Variants in APBA2 observed in about 807,000 individuals in gnomAD.
APBA2 encodes the protein amyloid-beta A4 precursor protein-binding family A member 2.
APBA2 carries 30 observed loss-of-function variants against 75.0 expected under a neutral mutation model. The observed-to-expected ratio is 0.40, with a 90% CI of 0.30 to 0.54. The LOEUF is 0.54. APBA2 is among the 20% of genes least tolerant of loss of function. The pLI is 0.49. For synonymous variants in APBA2, 444 were observed against 409.6 expected, an observed-to-expected ratio of 1.08 and a Z score of -1.01; for missense variants, 801 against 1,016.1, an observed-to-expected ratio of 0.79 and a Z score of 2.88.
chr15:29,118,035 A>G lies in APBA2; in HGVS notation c.*902A>G, dbSNP rs3751557. ...AGCCGTGAGTGCAGACCCCTTGGCC[A>G]GCGTGGCGCAGTGGCCCTGAGCAGT... is the stretch of plus-strand genomic sequence containing the variant. On this transcript the variant is annotated 3_prime_UTR_variant, in exon 15 of 15. Coordinates refer to ENST00000683413, the MANE Select transcript of APBA2 (RefSeq NM_001353788.2). 15,687 of 152,594 alleles carry G rather than the reference A, an allele frequency of 0.1. 1,152 individuals carry two copies. Among genetic ancestry groups the G allele is most frequent in the East Asian group, 0.21 (1,104 of 5,172 alleles). 9.5% of individuals were successfully genotyped at this position (152,594 alleles called of 1,614,324 possible). A position where few individuals can be genotyped will look rare whatever the true frequency, so the allele number is the denominator to read the frequency against.
chr15:28,960,760 C>CTTTT (rs760299039), intron 2 of APBA2, among the ~76,000 whole-genome samples: 23 of 137,128 alleles, frequency 1.7e-4, no homozygotes, highest in African/African-American at 5.3e-4. Context: ...ACCCATCATT[C>CTTTT]TTTTTTTTTT....
intron 1 of APBA2, chr15:28,895,502 A>G (rs36196202): frequency 0.56 from 85,197 of 152,080 alleles, 25,054 homozygotes; most frequent in African/African-American, 0.74. Flanking sequence ...TGCAGCTTGG[A>G]CCCTCTTCCC....
intron 2 of APBA2, among the ~76,000 whole-genome samples, chr15:28,959,509 G>A (rs1043341585): frequency 5.3e-5 from 8 of 152,204 alleles, no homozygotes; most frequent in Non-Finnish European, 8.8e-5. Context: ...CATACATGGC[G>A]GAAGACAGCC....
At chr15:28,904,243 T>C (rs778162758) in intron 1 of APBA2, among the ~76,000 whole-genome samples, 10 of 152,300 alleles carry the variant, frequency 6.6e-5, no homozygotes, top group Admixed American at 5.2e-4. Context: ...TCCCTGTTCC[T>C]GGGCACCCCG....
At chr15:29,078,068 G>A (rs568016853) in intron 6 of APBA2, among the ~76,000 whole-genome samples, 18 of 152,224 alleles carry the variant, frequency 1.2e-4, no homozygotes, top group Non-Finnish European at 2.2e-4. Context: ...AGGCCGAGGC[G>A]GGTGGATCAT....
intron 6 of APBA2, among the ~76,000 whole-genome samples, chr15:29,077,562 C>T (rs747458958): frequency 6.6e-5 from 10 of 152,158 alleles, no homozygotes; most frequent in South Asian, 4.1e-4. Context: ...TGGGGTACCT[C>T]GGACTCTAGC....
Position 28,907,906 on chromosome 15 carries a change from G to T in APBA2, c.-204-13734G>T, listed in dbSNP as rs538947311. On this transcript the variant is annotated intron_variant, in intron 1 of 14. Transcript: ENST00000683413. The stretch of plus-strand genomic sequence containing the variant: ...AAGGGGCCTGCCCAAGTTTCAGAAA[G>T]AAACTCAGGTTCTTGACATATACAG... Among the ~76,000 whole-genome samples, 54 of 152,324 alleles carry T rather than the reference G, an allele frequency of 3.5e-4. 1 individual carries two copies. Among genetic ancestry groups the T allele is most frequent in the African/African-American group, 1.2e-3 (48 of 41,570 alleles).
At chr15:28,985,755 C>T (rs66544511) in intron 2 of APBA2, among the ~76,000 whole-genome samples, 5 of 152,096 alleles carry the variant, frequency 3.3e-5, no homozygotes, top group Non-Finnish European at 7.4e-5. Flanking sequence ...TAACTGGATC[C>T]GGTTGACTCT....
At chr15:29,017,833 A>G (rs2039753437) in intron 3 of APBA2, among the ~76,000 whole-genome samples, 1 of 152,018 alleles carries the variant, frequency 6.6e-6, no homozygotes, top group African/African-American at 2.4e-5. Flanking sequence ...TTCTGCGGCA[A>G]TATCTTCTTC....
At chr15:28,925,193 A>G (rs9788659) in intron 2 of APBA2, among the ~76,000 whole-genome samples, 5,655 of 152,250 alleles carry the variant, frequency 0.037, 264 homozygotes, top group East Asian at 0.21. Context: ...TGATTTTTCT[A>G]ATGTTGAACC....
chr15:29,071,432 T>C (rs147754545), intron 4 of APBA2, among the ~76,000 whole-genome samples: 69 of 151,844 alleles, frequency 4.5e-4, no homozygotes, highest in African/African-American at 1.6e-3. Flanking sequence ...GAGTGATGGC[T>C]GATGTGGGTT....
intron 3 of APBA2, among the ~76,000 whole-genome samples, chr15:29,043,735 A>G (rs1402119709): frequency 1.8e-4 from 28 of 152,188 alleles, no homozygotes; most frequent in Admixed American, 1.8e-3. Flanking sequence ...GTGTGTGCTC[A>G]ATATTTTTGT....
chr15:28,971,707 GA>G (rs2037077665), intron 2 of APBA2, among the ~76,000 whole-genome samples: 1 of 152,102 alleles, frequency 6.6e-6, no homozygotes. Flanking sequence ...GGAAGAAGAG[GA>G]AAATCTCTCT....
intron 4 of APBA2, among the ~76,000 whole-genome samples, chr15:29,074,641 A>G (rs2042769124): frequency 6.6e-6 from 1 of 152,222 alleles, no homozygotes; most frequent in African/African-American, 2.4e-5. Context: ...CTGTACACTT[A>G]AAAATGGTCA....
chr15:28,906,506 T>C (rs1209494204), intron 1 of APBA2, among the ~76,000 whole-genome samples: 3 of 152,218 alleles, frequency 2.0e-5, no homozygotes, highest in Admixed American at 2.0e-4. Context: ...CATAGGTTCC[T>C]AGAAGTGGAC....
intron 3 of APBA2, among the ~76,000 whole-genome samples, chr15:29,047,953 T>C (rs1260643439): frequency 6.6e-6 from 1 of 152,178 alleles, no homozygotes; most frequent in Non-Finnish European, 1.5e-5. Context: ...TCTACAGCTA[T>C]AAAGAAAATT....
intron 2 of APBA2, among the ~76,000 whole-genome samples, chr15:28,962,439 G>A (rs2036526983): frequency 6.6e-6 from 1 of 151,964 alleles, no homozygotes; most frequent in South Asian, 2.1e-4. Flanking sequence ...CATGGTGGCG[G>A]GCGCCTGTAG....
At chr15:29,087,179 GT>G (rs1332147783) in intron 6 of APBA2, among the ~76,000 whole-genome samples, 1 of 152,146 alleles carries the variant, frequency 6.6e-6, no homozygotes, top group Non-Finnish European at 1.5e-5. Flanking sequence ...TGTTTGGGTG[GT>G]TTCCAGGTTT....
chr15:29,088,643 C>G (rs927887243), intron 6 of APBA2, among the ~76,000 whole-genome samples: 1 of 152,198 alleles, frequency 6.6e-6, no homozygotes, highest in Non-Finnish European at 1.5e-5. Context: ...GGGATGGCTA[C>G]AGTAGCCTCT....
Sources: gnomAD v4.1 joint callset for allele counts (sites outside exome capture counted in the v4.1 genomes callset) on GRCh38, gnomAD v4.1.1 for gene constraint, MANE v1.5 for transcripts, NCBI Gene and HGNC (gene_info 2026-07-23, HGNC 2026-07-21) for gene names.